Variants in SHANK2 observed in about 807,000 individuals in gnomAD.
SHANK2 encodes SH3 and multiple ankyrin repeat domains protein 2.
SHANK2 carries 43 observed loss-of-function variants against 133.7 expected under a neutral mutation model. The observed-to-expected ratio is 0.32, with a 90% CI of 0.25 to 0.41. SHANK2 has a LOEUF of 0.41. SHANK2 is among the 10% of genes least tolerant of loss of function. The pLI, the probability that SHANK2 is intolerant of heterozygous loss-of-function variation, is 1.00. For missense variants in SHANK2, 1,994 were observed against 2,235.8 expected (o/e 0.89, Z 2.18); for synonymous variants, 1,017 against 952.8 (o/e 1.07, Z -1.24).
chr11:70,708,982 G>A (rs1945723411), intron 14 of SHANK2, among the ~76,000 whole-genome samples: 2 of 152,216 alleles, frequency 1.3e-5, no homozygotes, highest in East Asian at 1.9e-4. Context: ...AGGCCAAGGT[G>A]GGTGGATGGC....
At chr11:71,219,885 G>A (rs191683573) in intron 2 of SHANK2, among the ~76,000 whole-genome samples, 109 of 151,026 alleles carry the variant, frequency 7.2e-4, no homozygotes, top group African/African-American at 2.7e-3. Flanking sequence ...GCAACAGAGC[G>A]AGACTCCATC....
intron 8 of SHANK2, among the ~76,000 whole-genome samples, chr11:71,084,388 A>ATGTGTCCTTAT (rs1202988821): frequency 1.6e-4 from 25 of 152,230 alleles, no homozygotes; most frequent in African/African-American, 5.5e-4. Context: ...TGGATCTGAA[A>ATGTGTCCTTAT]TGTGTCCTTA....
Position 70,882,494 on chromosome 11 carries a change from C to T in SHANK2, c.1174+14007G>A, listed in dbSNP as rs552088022. On this transcript the variant is annotated intron_variant, in intron 11 of 25. Coordinates refer to ENST00000601538, the MANE Select transcript of SHANK2 (RefSeq NM_012309.5). The surrounding 1 kb of genome is among the most constrained non-coding windows in gnomAD (Gnocchi z 4.2). ...TCATGACAGAAGCTGCCAAGGATTC[C>T]TTACCTTGGCAGTATCTGGTCACTG... Among the ~76,000 whole-genome samples the T allele has an allele frequency of 2.8e-4, 42 of 152,294 alleles. No homozygotes were observed. Among genetic ancestry groups the T allele is most frequent in the African/African-American group, 9.9e-4 (41 of 41,570 alleles).
chr11:70,753,931 C>T, intron 14 of SHANK2, among the ~76,000 whole-genome samples: 1 of 150,372 alleles, frequency 6.7e-6, no homozygotes, highest in East Asian at 1.9e-4. Context: ...CCTGCCTCAG[C>T]CTCCTCAGCA....
intron 10 of SHANK2, among the ~76,000 whole-genome samples, chr11:70,932,702 C>T (rs1950519405): frequency 6.6e-6 from 1 of 152,184 alleles, no homozygotes; most frequent in African/African-American, 2.4e-5. Context: ...CCTGGCGGGG[C>T]AGGGGCTCTC....
At chr11:71,092,622 G>T in intron 7 of SHANK2, 33 bp from the exon 8 acceptor site, 1 of 1,547,154 alleles carries the variant, frequency 6.5e-7, no homozygotes. Context: ...CGTCGTTATT[G>T]GTCTCATGAC....
chr11:71,205,202 C>T (rs1050945519), intron 2 of SHANK2, among the ~76,000 whole-genome samples: 9 of 152,230 alleles, frequency 5.9e-5, no homozygotes, highest in Admixed American at 2.0e-4. Flanking sequence ...CCCCAGGCCA[C>T]GGACTCTCAG....
chr11:70,808,925 G>T (rs185817484), intron 12 of SHANK2, among the ~76,000 whole-genome samples: 161 of 152,232 alleles, frequency 1.1e-3, no homozygotes, highest in African/African-American at 3.5e-3. Context: ...CGGCCCCAGC[G>T]AACCACGCTA....
intron 11 of SHANK2, among the ~76,000 whole-genome samples, chr11:70,860,507 CA>C: frequency 6.6e-6 from 1 of 152,314 alleles, no homozygotes; most frequent in East Asian, 1.9e-4. Flanking sequence ...TGTCCATCTT[CA>C]ATCCCGATGT....
chr11:70,486,643 G>A lies in SHANK2; in HGVS notation c.3650C>T (p.Ala1217Val). The change falls in exon 25 of 26, where the codon GCC becomes GTC. Residue 1217 changes from alanine to valine, a missense_variant. Ala to Val is a moderately conservative substitution (Grantham distance 64). Around this residue, in one of 5 missense-constraint regions of SHANK2, gnomAD observed 797 missense variants for 907.4 expected, o/e 0.88. Transcript: ENST00000601538. This position sits in a 1 kb window ranked among gnomAD's most constrained non-coding sequence, Gnocchi z 8.0. The stretch of plus-strand genomic sequence containing the variant: ...TCGGTCCCTTGCGGAGAGTGCCAGG[G>A]CCAGCGGGGAGCTGGGATCAAGCAG... The part of the protein sequence containing the change: ...GRLLDPSSPL[A>V]LALSARDRAM... The A allele has an allele frequency of 6.2e-7, 1 of 1,612,674 alleles. No individual in the cohort carries two copies. The highest frequency in any genetic ancestry group is 8.5e-7 in the Non-Finnish European group (1 of 1,180,026).
chr11:70,717,495 C>T (rs1291435990), intron 14 of SHANK2, among the ~76,000 whole-genome samples: 3 of 152,256 alleles, frequency 2.0e-5, no homozygotes, highest in South Asian at 2.1e-4. Context: ...ACAATAGCCT[C>T]GGGGCGCCCA....
intron 11 of SHANK2, among the ~76,000 whole-genome samples, chr11:70,839,712 T>TC: frequency 6.6e-6 from 1 of 152,138 alleles, no homozygotes; most frequent in South Asian, 2.1e-4. Flanking sequence ...GATCGAGGTG[T>TC]CCCCGGTAAA....
At chr11:70,922,445 C>A (rs1270846183) in intron 10 of SHANK2, among the ~76,000 whole-genome samples, 1 of 152,120 alleles carries the variant, frequency 6.6e-6, no homozygotes, top group African/African-American at 2.4e-5. Context: ...AAAAACATAG[C>A]TAGGCACACA....
At chr11:70,773,703 C>T (rs1392612139) in intron 14 of SHANK2, among the ~76,000 whole-genome samples, 1 of 152,162 alleles carries the variant, frequency 6.6e-6, no homozygotes, top group African/African-American at 2.4e-5. Flanking sequence ...GCACAAATAA[C>T]CAATAAACAC....
intron 17 of SHANK2, among the ~76,000 whole-genome samples, chr11:70,587,698 G>T (rs868964525): frequency 1.0e-4 from 12 of 119,734 alleles, no homozygotes; most frequent in Admixed American, 2.8e-4. Context: ...AGCACGTCCA[G>T]TTTTTTTTTT....
intron 2 of SHANK2, among the ~76,000 whole-genome samples, chr11:71,223,769 C>G (rs775742897): frequency 1.3e-5 from 2 of 152,182 alleles, no homozygotes; most frequent in Non-Finnish European, 2.9e-5. Flanking sequence ...CTGAGAGGCC[C>G]TTCCCTGCAC....
chr11:70,659,987 G>A (rs2061460879), intron 16 of SHANK2, 35 bp from the exon 17 acceptor site: 2 of 1,613,902 alleles, frequency 1.2e-6, no homozygotes, highest in African/African-American at 1.3e-5. Flanking sequence ...TACAAGCCTG[G>A]GAGATGTCTT....
At chr11:70,732,381 T>C (rs1946309652) in intron 14 of SHANK2, among the ~76,000 whole-genome samples, 1 of 152,212 alleles carries the variant, frequency 6.6e-6, no homozygotes, top group South Asian at 2.1e-4. Context: ...GCCCTGTGCC[T>C]GGCTCTGGAC....
At chr11:70,917,253 A>T (rs1221354789) in intron 10 of SHANK2, among the ~76,000 whole-genome samples, 1 of 152,262 alleles carries the variant, frequency 6.6e-6, no homozygotes, top group Non-Finnish European at 1.5e-5. Context: ...TAATAATCAT[A>T]TGAAAAAAAG....
Sources: gnomAD v4.1 joint callset for allele counts (sites outside exome capture counted in the v4.1 genomes callset) on GRCh38, gnomAD v4.1.1 for gene constraint, gnomAD v4.1.1 regional missense constraint, Gnocchi (gnomAD v3.1) non-coding constraint, MANE v1.5 for transcripts, NCBI Gene and HGNC (gene_info 2026-07-23, HGNC 2026-07-21) for gene names.